GPN1: variants seen among roughly 807,000 people sequenced by gnomAD.
The protein encoded by GPN1 is ATP(GTP)-binding protein.
A neutral mutation model predicts 55.9 loss-of-function variants in GPN1; 44 were observed. The ratio of observed to expected loss-of-function variants is 0.79; its 90% CI spans 0.62 to 1.01. GPN1 has a LOEUF of 1.01. GPN1 is among the 50% of genes least tolerant of loss of function. The pLI, the probability that GPN1 is intolerant of heterozygous loss-of-function variation, is 0.00. For synonymous variants in GPN1, 179 were observed against 162.5 expected (o/e 1.10, Z -0.77); for missense variants, 466 against 462.8 (o/e 1.01, Z -0.06).
In GPN1 at chr2:27,641,293, C is replaced by T. The variant is rs1673938445; in HGVS notation, c.840+14C>T. 1 of 1,586,342 alleles carries T rather than the reference C, an allele frequency of 6.3e-7. No homozygotes were observed. Among genetic ancestry groups the T allele is most frequent in the Non-Finnish European group, 8.7e-7 (1 of 1,155,674 alleles). The stretch of plus-strand genomic sequence containing the variant: ...AAAAAATCACTGGTAAGAAGGGAGG[C>T]TGTTTGTATATTTTAAAAGGGCCAT... On this transcript the variant is annotated intron_variant, in intron 11 of 13. Transcript: ENST00000610189.
At chr2:27,645,170 C>A (rs13403753) in intron 12 of GPN1, among the ~76,000 whole-genome samples, 8,705 of 152,088 alleles carry the variant, frequency 0.057, 689 homozygotes, top group African/African-American at 0.18. Flanking sequence ...GAGGTCTCAC[C>A]ATGTTGCCCA....
Position 27,632,666 on chromosome 2 carries a change from TC to T in GPN1, c.348del (p.Lys117AsnfsTer4). ...MKFIEKAQNM[S>X]KYVLIDTPGQ... ...ATTTATTGAGAAGGCCCAGAACATG[TC>T]CAAGTAAGTGATGTCAGTAACACCC... On this transcript the variant is annotated frameshift_variant, in exon 5 of 14. Coordinates refer to ENST00000610189, the MANE Select transcript of GPN1 (RefSeq NM_007266.4). LOFTEE classifies it high-confidence loss of function. The T allele has an allele frequency of 6.3e-7, 1 of 1,588,460 alleles. No homozygotes were observed. Among genetic ancestry groups the T allele is most frequent in the Non-Finnish European group, 8.6e-7 (1 of 1,156,606 alleles).
At chr2:27,639,949 T>C in intron 9 of GPN1, 94 bp from the exon 10 acceptor site, 2 of 910,284 alleles carry the variant, frequency 2.2e-6, no homozygotes, top group Non-Finnish European at 3.6e-6. Context: ...TAAACCACTC[T>C]TACTAAGATT....
chr2:27,650,064 C>A (rs1674451008), intron 13 of GPN1, 51 bp from the exon 14 acceptor site: 2 of 970,804 alleles, frequency 2.1e-6, no homozygotes, highest in South Asian at 2.6e-5. Flanking sequence ...GGGCTCTAAT[C>A]AGTTTGTCTA....
Position 27,631,083 on chromosome 2 carries a change from A to C in GPN1, c.245+17A>C. 7.5e-7 allele frequency: 1 copy of C among 1,326,492 alleles called. No individual in the cohort carries two copies. Among genetic ancestry groups the C allele is most frequent in the African/African-American group, 1.4e-5 (1 of 69,674 alleles). 82.2% of individuals were successfully genotyped at this position (1,326,492 alleles called of 1,614,324 possible). A position where few individuals can be genotyped will look rare whatever the true frequency, so the allele number is the denominator to read the frequency against. ...AATGAAACAGTATCCTTTTCCATCTACTTTGGTCTTGACTCATTCCTGGCT... is the reference window on the plus strand; with the variant it reads ...AATGAAACAGTATCCTTTTCCATCTCCTTTGGTCTTGACTCATTCCTGGCT... On this transcript the variant is annotated intron_variant, in intron 3 of 13. Transcript: ENST00000610189.
At chr2:27,645,523 A>G (rs13419807) in intron 12 of GPN1, among the ~76,000 whole-genome samples, 8,692 of 152,086 alleles carry the variant, frequency 0.057, 684 homozygotes, top group African/African-American at 0.18. Context: ...GAGAAGTGAC[A>G]TCTCTATGAT....
At chr2:27,628,945 C>G, upstream of GPN1, 1 of 1,542,580 alleles carries the variant, frequency 6.5e-7, no homozygotes, top group Non-Finnish European at 8.7e-7. Flanking sequence ...CGCCGCGCCC[C>G]TCACCCGCTC....
At chr2:27,629,507 C>A in intron 1 of GPN1, 3 of 1,053,646 alleles carry the variant, frequency 2.8e-6, no homozygotes, top group South Asian at 2.7e-5. Flanking sequence ...GAAGATTTGC[C>A]AAATATTTCT....
chr2:27,647,142 C>T (rs1674273996), intron 12 of GPN1, among the ~76,000 whole-genome samples: 1 of 152,152 alleles, frequency 6.6e-6, no homozygotes, highest in Non-Finnish European at 1.5e-5. Flanking sequence ...AGATTTGTGC[C>T]AGTTGATGTT....
Position 27,634,066 on chromosome 2 carries a change from ATTC to A in GPN1, c.351-774_351-772del, listed in dbSNP as rs1295796861. ...CTCCATAACCTTGCCAACTTTTGTT[ATTC>A]TTCTTGTTTTTGATTATAGCCATTC... is the stretch of plus-strand genomic sequence containing the variant. On this transcript the variant is annotated intron_variant, in intron 5 of 13. Transcript: ENST00000610189. Among the ~76,000 whole-genome samples, 14 of 152,036 alleles carry A rather than the reference ATTC, an allele frequency of 9.2e-5. No homozygotes were observed. In the South Asian group the frequency reaches 1.2e-3, roughly 14 times the overall value.
At chr2:27,638,117 T>A in intron 7 of GPN1, 93 bp from the exon 8 acceptor site, 1 of 731,438 alleles carries the variant, frequency 1.4e-6, no homozygotes. Flanking sequence ...TCTGAACTCA[T>A]TTCTGTTCTC....
chr2:27,640,620 A>G (rs2148073442), intron 10 of GPN1, among the ~76,000 whole-genome samples: 1 of 152,364 alleles, frequency 6.6e-6, no homozygotes, highest in African/African-American at 2.4e-5. Flanking sequence ...CACATTTTAT[A>G]ATAAATGTTA....
In GPN1 at chr2:27,629,098, G is replaced by T. The variant is rs146371804; in HGVS notation, c.40G>T (p.Gly14Trp). The change falls in exon 1 of 14, where the codon GGG (glycine) becomes TGG (tryptophan). Residue 14 changes from glycine to tryptophan, a missense_variant. Transcript: ENST00000610189. ...AGCTGCCGCTGAGCTCCAGGCTTCT[G>T]GGGGTCCGCGGCACCCAGTGTGTCT... ...SAAAAELQAS[G>W]GPRHPVCLLV... The T allele has an allele frequency of 3.1e-6, 5 of 1,614,248 alleles. No homozygotes were observed. The highest frequency in any genetic ancestry group is 4.5e-5 in the East Asian group (2 of 44,884).
At chr2:27,631,771 A>G in intron 3 of GPN1, 63 bp from the exon 4 acceptor site, 1 of 923,954 alleles carries the variant, frequency 1.1e-6, no homozygotes, top group South Asian at 1.3e-5. Context: ...TGTGAATGAT[A>G]GCCTAGGTAT....
chr2:27,639,045 C>T lies in GPN1; in HGVS notation c.717+14C>T, dbSNP rs747596170. 7.6e-6 allele frequency: 12 copies of T among 1,587,768 alleles called. No homozygotes were observed. The highest frequency in any genetic ancestry group is 1.7e-5 in the Admixed American group (1 of 57,610). ...AGCTCACTCAGGGTAAATTTTCTCT[C>T]CTGCTCACACTGACAGCCTCTCCAG... On this transcript the variant is annotated intron_variant, in intron 9 of 13. Transcript: ENST00000610189.
chr2:27,650,252 C>A lies in GPN1; in HGVS notation c.*52C>A. The A allele has an allele frequency of 9.6e-7, 1 of 1,040,986 alleles. No individual in the cohort carries two copies. The highest frequency in any genetic ancestry group is 1.5e-6 in the Non-Finnish European group (1 of 665,438). 64.5% of individuals were successfully genotyped at this position (1,040,986 alleles called of 1,614,324 possible). On this transcript the variant is annotated 3_prime_UTR_variant, in exon 14 of 14. Coordinates refer to ENST00000610189, the MANE Select transcript of GPN1 (RefSeq NM_007266.4). ...CTAGAAGTCCAGAATTTTGGACCTC[C>A]ACGTGAAAGAACTGTTCTTACCTCT...
At chr2:27,631,096 C>T (rs1673532425) in intron 3 of GPN1, 30 bp downstream of exon 3, 1 of 1,179,066 alleles carries the variant, frequency 8.5e-7, no homozygotes, top group African/African-American at 1.5e-5. Context: ...TTGGTCTTGA[C>T]TCATTCCTGG....
Position 27,629,884 on chromosome 2 carries a change from A to G in GPN1, c.137A>G (p.Gln46Arg). Reference protein sequence around the residue: ...VQRLTGHLHAQGTPPYVINLD... With the variant: ...VQRLTGHLHARGTPPYVINLD... ...AGGCTCACAGGACACCTGCATGCCCAAGGCACTCCACCGTATGTGATCAAC... is the reference window on the plus strand; with the variant it reads ...AGGCTCACAGGACACCTGCATGCCCGAGGCACTCCACCGTATGTGATCAAC... The change falls in exon 2 of 14, where the codon CAA becomes CGA. Residue 46 changes from glutamine (Q) to arginine (R), a missense_variant. Gln to Arg is a conservative substitution (Grantham distance 43). Transcript: ENST00000610189. 6.2e-7 allele frequency: 1 copy of G among 1,608,996 alleles called. No homozygotes were observed. The highest frequency in any genetic ancestry group is 8.5e-7 in the Non-Finnish European group (1 of 1,175,266).
rs1674487055 is a variant in GPN1, at chr2:27,650,686, C to G, written c.*486C>G. 1 of 153,524 alleles carries G rather than the reference C, an allele frequency of 6.5e-6. No homozygotes were observed. Among genetic ancestry groups the G allele is most frequent in the Admixed American group, 6.5e-5 (1 of 15,342 alleles). The allele number at this position is 153,524 out of a possible 1,614,324, so 9.5% of individuals were successfully genotyped here. ...AACATGAGCTTATCCAGAACGGTGG[C>G]AGAGTCTCCTTGGCAATCAACCAAC... is the stretch of plus-strand genomic sequence containing the variant. On this transcript the variant is annotated 3_prime_UTR_variant, in exon 14 of 14. Transcript: ENST00000610189.
Sources: gnomAD v4.1 joint callset for allele counts (sites outside exome capture counted in the v4.1 genomes callset) on GRCh38, gnomAD v4.1.1 for gene constraint, MANE v1.5 for transcripts, NCBI Gene and HGNC (gene_info 2026-07-23, HGNC 2026-07-21) for gene names.